The following PTPRB variants were observed in gnomAD, a reference collection of about 807,000 sequenced individuals.
The protein encoded by PTPRB is protein tyrosine phosphatase receptor type B, also known as receptor-type tyrosine-protein phosphatase beta.
A neutral mutation model predicts 238.1 loss-of-function variants in PTPRB; 97 were observed. The ratio of observed to expected loss-of-function variants is 0.41; its 90% CI spans 0.35 to 0.48. The LOEUF (loss-of-function observed/expected upper bound fraction) is 0.48, where lower values mean the gene tolerates loss of function less well. Among genes scored for constraint, PTPRB ranks in the 20% least tolerant of loss-of-function variants. The pLI is 0.30. For synonymous variants in PTPRB, 970 were observed against 995.4 expected (o/e 0.97, Z 0.48); for missense variants, 2,292 against 2,681.9 (o/e 0.85, Z 3.21).
chr12:70,609,886 G>A (rs1445563211), intron 3 of PTPRB: 3 of 1,444,844 alleles, frequency 2.1e-6, no homozygotes, highest in East Asian at 2.7e-5. Flanking sequence ...CCGGGGCAGG[G>A]GGTCACCTGT....
At chr12:70,559,299 C>T (rs765309671) in intron 18 of PTPRB, 44 bp downstream of exon 18, 38 of 1,545,860 alleles carry the variant, frequency 2.5e-5, no homozygotes, top group Admixed American at 5.0e-5. Flanking sequence ...ACATATACTT[C>T]CTCTACTCCA....
In PTPRB at chr12:70,626,305, A is replaced by G. The variant is rs955897950; in HGVS notation, c.452-3659T>C. On this transcript the variant is annotated intron_variant, in intron 2 of 33. Coordinates refer to ENST00000334414, the MANE Select transcript of PTPRB (RefSeq NM_001109754.4). ...ATGATGTCTATCCATCCATCTATCT[A>G]TCTATCTATCTATCTATCTATCTAT... Among the ~76,000 whole-genome samples the G allele has an allele frequency of 7.2e-5, 5 of 69,862 alleles. 1 individual carries two copies. Among genetic ancestry groups the G allele is most frequent in the African/African-American group, 1.9e-4 (3 of 16,194 alleles). The allele number at this position is 69,862 out of a possible 152,430, so 45.8% of individuals were successfully genotyped here.
At position 70,520,173 on chromosome 12, in the gene PTPRB, A is replaced by C. The variant is rs761369798; in HGVS notation, c.*1316T>G. 27 of 471,416 alleles carry C rather than the reference A, an allele frequency of 5.7e-5. No homozygotes were observed. The highest frequency in any genetic ancestry group is 5.4e-4 in the Admixed American group (24 of 44,332). 29.2% of individuals were successfully genotyped at this position (471,416 alleles called of 1,614,324 possible). A position where few individuals can be genotyped will look rare whatever the true frequency, so the allele number is the denominator to read the frequency against. On this transcript the variant is annotated 3_prime_UTR_variant, in exon 34 of 34. Transcript: ENST00000334414. ...TCTCAGGTATCTATGAAGATTCCGT[A>C]CAAACTCCTTTCAAATTTTTCCCAG... is the stretch of plus-strand genomic sequence containing the variant.
intron 4 of PTPRB, among the ~76,000 whole-genome samples, chr12:70,602,568 T>C (rs922389545): frequency 6.6e-6 from 1 of 152,200 alleles, no homozygotes; most frequent in Non-Finnish European, 1.5e-5. Context: ...GATGTGATAA[T>C]TATATTGTGG....
At chr12:70,631,836 T>C (rs1424318005) in intron 2 of PTPRB, among the ~76,000 whole-genome samples, 4 of 152,200 alleles carry the variant, frequency 2.6e-5, no homozygotes, top group Non-Finnish European at 4.4e-5. Flanking sequence ...AAAATGCTTA[T>C]CATCACTGGT....
chr12:70,556,232 A>G, intron 18 of PTPRB, 84 bp from the exon 19 acceptor site: 2 of 1,247,060 alleles, frequency 1.6e-6, no homozygotes, highest in Non-Finnish European at 2.2e-6. Flanking sequence ...ACTAGCTCTG[A>G]GATCTAGGTA....
At chr12:70,576,964 T>G (rs1427481958) in intron 10 of PTPRB, among the ~76,000 whole-genome samples, 1 of 152,186 alleles carries the variant, frequency 6.6e-6, no homozygotes, top group Non-Finnish European at 1.5e-5. Context: ...GACATCCTTA[T>G]ACAATGTTTT....
In PTPRB at chr12:70,563,046, G is replaced by A. The variant is rs779951788; in HGVS notation, c.3966C>T (p.Arg1322=). Residue 1322 remains arginine (R), a synonymous_variant, in exon 16 of 34, where the codon CGC becomes CGT. Coordinates refer to ENST00000334414, the MANE Select transcript of PTPRB (RefSeq NM_001109754.4). ...TGAGCTCCCCCTCTGAGGCGGTCCAGCGGAAGGACAGGTGCCTGGTGGAGT... is the reference window on the plus strand; with the variant it reads ...TGAGCTCCCCCTCTGAGGCGGTCCAACGGAAGGACAGGTGCCTGGTGGAGT... ...TENSTRHLSF[R]WTASEGELSW... 5.0e-6 allele frequency: 8 copies of A among 1,613,738 alleles called. No individual in the cohort carries two copies. In the East Asian group the frequency reaches 1.3e-4, roughly 27 times the overall value.
chr12:70,571,861 T>C lies in PTPRB; in HGVS notation c.3069A>G (p.Gly1023=), dbSNP rs1300490260. 4 of 1,613,866 alleles carry C rather than the reference T, an allele frequency of 2.5e-6. No homozygotes were observed. In the Admixed American group the frequency reaches 6.7e-5, roughly 27 times the overall value. Residue 1023 remains glycine, a synonymous_variant, in exon 12 of 34, where the codon GGA becomes GGG. Transcript: ENST00000334414. ...LYSVTVTTKS[G]QYEANEQGNG... is the part of the protein sequence containing the mutation. ...TCCCTTGTTCATTGGCTTCATATTGTCCACTTTTTGTAGTAACAGTGACAC... is the reference window on the plus strand; with the variant it reads ...TCCCTTGTTCATTGGCTTCATATTGCCCACTTTTTGTAGTAACAGTGACAC...
Position 70,590,067 on chromosome 12 carries a change from A to G in PTPRB, c.1947T>C (p.Tyr649=), listed in dbSNP as rs187807650. 3.3e-5 allele frequency: 53 copies of G among 1,614,006 alleles called. No homozygotes were observed. In the East Asian group the frequency reaches 1.1e-3, roughly 33 times the overall value. ...GTACGAGCCCCGTGTCATCCATGACATACTGTGTTTCTTCCTTTCCCACAG... is the reference window on the plus strand; with the variant it reads ...GTACGAGCCCCGTGTCATCCATGACGTACTGTGTTTCTTCCTTTCCCACAG... ...NITVGKEETQ[Y]VMDDTGLVPG... Residue 649 remains tyrosine, a synonymous_variant, in exon 8 of 34, where the codon TAT becomes TAC. Coordinates refer to ENST00000334414, the MANE Select transcript of PTPRB (RefSeq NM_001109754.4).
chr12:70,579,424 C>T (rs1051946441), intron 10 of PTPRB, among the ~76,000 whole-genome samples: 5 of 152,080 alleles, frequency 3.3e-5, no homozygotes, highest in African/African-American at 1.2e-4. Context: ...ACAGGCCGGG[C>T]GCAGTGGCTC....
chr12:70,560,801 C>T lies in PTPRB; in HGVS notation c.4302G>A (p.Lys1434=). ...LILYNPNGTK[K]ENWKDKDLTE... Reference sequence around the variant, plus strand: ...TCAGGTCCTTGTCTTTCCAGTTTTCCTTCTTTGTGCCATTGGGATTATAGA... The same window carrying T: ...TCAGGTCCTTGTCTTTCCAGTTTTCTTTCTTTGTGCCATTGGGATTATAGA... Residue 1434 remains lysine, a synonymous_variant, in exon 17 of 34, where the codon AAG becomes AAA. Transcript: ENST00000334414. This position sits in a 1 kb window ranked among gnomAD's most constrained non-coding sequence, Gnocchi z 4.2. The T allele has an allele frequency of 1.2e-6, 2 of 1,613,942 alleles. No homozygotes were observed. The highest frequency in any genetic ancestry group is 1.6e-4 in the Middle Eastern group (1 of 6,062).
intron 23 of PTPRB, chr12:70,540,504 C>T (rs1213990883): frequency 4.6e-6 from 1 of 215,984 alleles, no homozygotes; most frequent in East Asian, 1.1e-4. Context: ...CAGGATATTT[C>T]AGAAAAGCAC....
intron 2 of PTPRB, among the ~76,000 whole-genome samples, chr12:70,627,333 C>T (rs1344978224): frequency 1.3e-5 from 2 of 152,016 alleles, no homozygotes; most frequent in Non-Finnish European, 2.9e-5. Context: ...AATAACTTGG[C>T]GTGCGCAGGA....
In PTPRB at chr12:70,516,593, A is replaced by G. The variant is rs1871214129; in HGVS notation, c.*4896T>C. The stretch of plus-strand genomic sequence containing the variant: ...CCTTTCTTGATGGAGGTGCTTATCT[A>G]CGCACACAGCTATTAGAACATCTCA... On this transcript the variant is annotated 3_prime_UTR_variant, in exon 34 of 34. Coordinates refer to ENST00000334414, the MANE Select transcript of PTPRB (RefSeq NM_001109754.4). 6.6e-6 allele frequency: 1 copy of G among 152,212 alleles called. No homozygotes were observed. The highest frequency in any genetic ancestry group is 2.4e-5 in the African/African-American group (1 of 41,454). 9.4% of individuals were successfully genotyped at this position (152,212 alleles called of 1,614,324 possible).
chr12:70,555,212 G>A lies in PTPRB; in HGVS notation c.5091C>T (p.Ser1697=), dbSNP rs112766507. 4 of 1,613,862 alleles carry A rather than the reference G, an allele frequency of 2.5e-6. No individual in the cohort carries two copies. Among genetic ancestry groups the A allele is most frequent in the South Asian group, 1.1e-5 (1 of 91,086 alleles). ...AGTATTTCACAGCTCCATTGGTGTC[G>A]CTGAACCAGCTGCAGTTGACAGTAA... is the stretch of plus-strand genomic sequence containing the variant. ...INFTVNCSWF[S]DTNGAVKYFT... is the part of the protein sequence containing the mutation. Residue 1697 remains serine (S), a synonymous_variant, in exon 20 of 34, where the codon AGC becomes AGT. Transcript: ENST00000334414.
chr12:70,562,486 C>G (rs139512784), intron 16 of PTPRB, among the ~76,000 whole-genome samples: 1 of 152,266 alleles, frequency 6.6e-6, no homozygotes, highest in African/African-American at 2.4e-5. Flanking sequence ...TCTGCTCCTG[C>G]TCTCCTCTCC....
At chr12:70,604,232 T>C (rs949422832) in intron 4 of PTPRB, among the ~76,000 whole-genome samples, 4 of 151,712 alleles carry the variant, frequency 2.6e-5, no homozygotes, top group African/African-American at 9.7e-5. Context: ...CAGAGCAAGA[T>C]CCTGTCTGAA....
chr12:70,556,172 A>C, intron 18 of PTPRB, 24 bp from the exon 19 acceptor site: 1 of 1,581,242 alleles, frequency 6.3e-7, no homozygotes, highest in Non-Finnish European at 8.6e-7. Flanking sequence ...AGGAGGCAAC[A>C]CTTTTCAGAA....
Sources: allele counts gnomAD v4.1 joint callset (sites outside exome capture counted in the v4.1 genomes callset), GRCh38; gene constraint gnomAD v4.1.1; non-coding constraint Gnocchi (gnomAD v3.1); transcripts MANE v1.5; gene names NCBI Gene and HGNC (gene_info 2026-07-23, HGNC 2026-07-21).